Variants in ACVR2B observed in about 807,000 individuals in gnomAD.
The protein encoded by ACVR2B is activin A receptor type 2B.
ACVR2B carries 18 observed loss-of-function variants against 65.1 expected under a neutral mutation model. That is an observed-to-expected ratio of 0.28 (90% CI 0.19 to 0.41). The LOEUF (loss-of-function observed/expected upper bound fraction) is 0.41. Among genes scored for constraint, ACVR2B ranks in the 10% least tolerant of loss-of-function variants. ACVR2B has a pLI of 1.00. For missense variants in ACVR2B, 482 were observed against 682.7 expected (o/e 0.71, Z 3.28); for synonymous variants, 298 against 277.7 (o/e 1.07, Z -0.73).
intron 1 of ACVR2B, among the ~76,000 whole-genome samples, chr3:38,465,392 C>A (rs1575580807): frequency 4.1e-5 from 4 of 97,052 alleles, no homozygotes; most frequent in Admixed American, 1.2e-4. Context: ...AATGAGATTC[C>A]ATCTCAAAAA....
chr3:38,461,211 C>G (rs1279358354), intron 1 of ACVR2B, among the ~76,000 whole-genome samples: 1 of 152,192 alleles, frequency 6.6e-6, no homozygotes, highest in Non-Finnish European at 1.5e-5. Flanking sequence ...CCCTCCCCTC[C>G]AACTGGATTA....
intron 1 of ACVR2B, among the ~76,000 whole-genome samples, chr3:38,471,351 C>T (rs757732515): frequency 8.5e-5 from 13 of 152,132 alleles, no homozygotes; most frequent in Non-Finnish European, 1.3e-4. Context: ...AATTGTGTAC[C>T]ATTTCACACT....
intron 1 of ACVR2B, among the ~76,000 whole-genome samples, chr3:38,462,933 C>T (rs1709672519): frequency 1.3e-5 from 2 of 152,148 alleles, no homozygotes; most frequent in African/African-American, 4.8e-5. Flanking sequence ...GCAGTTGGCT[C>T]TCTGCGGTAA....
chr3:38,481,368 A>G lies in ACVR2B; in HGVS notation c.977A>G (p.Asn326Ser), dbSNP rs1453833560. 1 of 1,614,082 alleles carries G rather than the reference A, an allele frequency of 6.2e-7. No homozygotes were observed. Among genetic ancestry groups the G allele is most frequent in the African/African-American group, 1.3e-5 (1 of 75,038 alleles). ...TTCCACAGGGACTTTAAAAGTAAGA[A>G]TGTATTGCTGAAGAGCGACCTCACA... Reference protein sequence around the residue: ...SIAHRDFKSKNVLLKSDLTAV... With the variant: ...SIAHRDFKSKSVLLKSDLTAV... Residue 326 changes from asparagine (N) to serine (S), a missense_variant, in exon 8 of 11, where the codon AAT becomes AGT. Coordinates refer to ENST00000352511, the MANE Select transcript of ACVR2B (RefSeq NM_001106.4). The surrounding 1 kb of genome is among the most constrained non-coding windows in gnomAD (Gnocchi z 4.7).
intron 1 of ACVR2B, among the ~76,000 whole-genome samples, chr3:38,463,914 C>T (rs1709688675): frequency 6.6e-6 from 1 of 152,146 alleles, no homozygotes; most frequent in African/African-American, 2.4e-5. Flanking sequence ...CATATGGTAG[C>T]CTTCTTGCTA....
At chr3:38,476,385 A>G (rs1709907986) in intron 1 of ACVR2B, 1 of 152,206 alleles carries the variant, frequency 6.6e-6, no homozygotes, top group Non-Finnish European at 1.5e-5. Context: ...CCTAGCCAGG[A>G]GAATGATCTG....
At chr3:38,455,417 T>C (rs1345281402) in intron 1 of ACVR2B, among the ~76,000 whole-genome samples, 1 of 151,680 alleles carries the variant, frequency 6.6e-6, no homozygotes, top group Non-Finnish European at 1.5e-5. Context: ...GCAGCGCGGG[T>C]CCCCCGCCGC....
chr3:38,467,873 A>T (rs1439600379), intron 1 of ACVR2B, among the ~76,000 whole-genome samples: 1 of 152,030 alleles, frequency 6.6e-6, no homozygotes, highest in African/African-American at 2.4e-5. Flanking sequence ...TAAATATATG[A>T]TGTTAAAATT....
At position 38,454,309 on chromosome 3, in the gene ACVR2B, C is replaced by T; in HGVS notation, c.-14C>T. The T allele has an allele frequency of 7.8e-7, 1 of 1,281,144 alleles. No homozygotes were observed. Among genetic ancestry groups the T allele is most frequent in the Non-Finnish European group, 9.9e-7 (1 of 1,014,318 alleles). 79.4% of individuals were successfully genotyped at this position (1,281,144 alleles called of 1,614,324 possible). A position where few individuals can be genotyped will look rare whatever the true frequency, so the allele number is the denominator to read the frequency against. ...CCGCGGGCTCCGGGTGTGCGCGGGG[C>T]GGCGCCGCGGAACATGACGGCGCCC... On this transcript the variant is annotated 5_prime_UTR_variant, in exon 1 of 11. Coordinates refer to ENST00000352511, the MANE Select transcript of ACVR2B (RefSeq NM_001106.4).
At chr3:38,471,300 A>T (rs1014483976) in intron 1 of ACVR2B, among the ~76,000 whole-genome samples, 2 of 152,248 alleles carry the variant, frequency 1.3e-5, no homozygotes, top group Non-Finnish European at 2.9e-5. Context: ...AATCACAAGA[A>T]GATGATCAGT....
chr3:38,462,076 C>G (rs1187618578), intron 1 of ACVR2B, among the ~76,000 whole-genome samples: 1 of 152,088 alleles, frequency 6.6e-6, no homozygotes, highest in African/African-American at 2.4e-5. Context: ...TCCCTGTAGT[C>G]CCAGCTACTC....
rs1244023691 is a variant in ACVR2B at position 38,478,193 on chromosome 3, C to T, written c.423C>T (p.Tyr141=). Residue 141 remains tyrosine (Y), a synonymous_variant, in exon 4 of 11, where the codon TAC becomes TAT. Transcript: ENST00000352511. The part of the protein sequence containing the change: ...TAPTLLTVLA[Y]SLLPIGGLSL... ...CCACCCTGCTCACGGTGCTGGCCTACTCACTGCTGCCCATCGGGGGCCTTT... is the reference window on the plus strand; with the variant it reads ...CCACCCTGCTCACGGTGCTGGCCTATTCACTGCTGCCCATCGGGGGCCTTT... The T allele has an allele frequency of 3.7e-6, 6 of 1,613,868 alleles. No individual in the cohort carries two copies. Among genetic ancestry groups the T allele is most frequent in the South Asian group, 3.3e-5 (3 of 91,066 alleles).
intron 1 of ACVR2B, among the ~76,000 whole-genome samples, chr3:38,463,632 A>G (rs369896817): frequency 1.3e-5 from 2 of 152,264 alleles, no homozygotes; most frequent in East Asian, 3.9e-4. Flanking sequence ...TCTTTATGTA[A>G]GTCCACTTGT....
At position 38,490,861 on chromosome 3, in the gene ACVR2B, T is replaced by C. The variant is rs548186785; in HGVS notation, c.*7529T>C. Reference sequence around the variant, plus strand: ...AGCTCGTCATGGCATTGTGGTGGGATGGGTCTAGAGTGTCATCTGAATGGT... The same window carrying C: ...AGCTCGTCATGGCATTGTGGTGGGACGGGTCTAGAGTGTCATCTGAATGGT... On this transcript the variant is annotated 3_prime_UTR_variant, in exon 11 of 11. Coordinates refer to ENST00000352511, the MANE Select transcript of ACVR2B (RefSeq NM_001106.4). 2 of 152,792 alleles carry C rather than the reference T, an allele frequency of 1.3e-5. No homozygotes were observed. The highest frequency in any genetic ancestry group is 6.5e-5 in the Admixed American group (1 of 15,296). The allele number at this position is 152,792 out of a possible 1,614,324, so 9.5% of individuals were successfully genotyped here.
chr3:38,469,806 C>T (rs1286202612), intron 1 of ACVR2B, among the ~76,000 whole-genome samples: 1 of 152,054 alleles, frequency 6.6e-6, no homozygotes, highest in African/African-American at 2.4e-5. Flanking sequence ...TGAATAAAGT[C>T]AGAAATAACA....
At chr3:38,462,939 G>A (rs13094715) in intron 1 of ACVR2B, among the ~76,000 whole-genome samples, 73,902 of 151,968 alleles carry the variant, frequency 0.49, 20,076 homozygotes, top group Non-Finnish European at 0.61. Context: ...GGCTCTCTGC[G>A]GTAATCTGTG....
At chr3:38,479,993 G>A (rs529222775) in intron 7 of ACVR2B, among the ~76,000 whole-genome samples, 167 bp downstream of exon 7, 2 of 152,294 alleles carry the variant, frequency 1.3e-5, no homozygotes, top group East Asian at 1.9e-4. Context: ...ACTGTGTCCT[G>A]GGGATGGCAT....
chr3:38,470,286 A>AC (rs1189644023), intron 1 of ACVR2B, among the ~76,000 whole-genome samples: 1 of 152,208 alleles, frequency 6.6e-6, no homozygotes, highest in Admixed American at 6.5e-5. Flanking sequence ...TTAGACACAT[A>AC]CCTTGTAGTG....
At chr3:38,466,501 A>AAAC (rs1709730300) in intron 1 of ACVR2B, among the ~76,000 whole-genome samples, 1 of 141,548 alleles carries the variant, frequency 7.1e-6, no homozygotes, top group Non-Finnish European at 1.5e-5. Context: ...TTTTAAACCA[A>AAAC]AACTTCTTTT....
Sources: gnomAD v4.1 joint callset for allele counts (sites outside exome capture counted in the v4.1 genomes callset) on GRCh38, gnomAD v4.1.1 for gene constraint, Gnocchi (gnomAD v3.1) non-coding constraint, MANE v1.5 for transcripts, NCBI Gene and HGNC (gene_info 2026-07-23, HGNC 2026-07-21) for gene names.